BPIFC: variants seen among roughly 807,000 people sequenced by gnomAD.
BPIFC encodes the protein BPI fold containing family C.
BPIFC carries 60 observed loss-of-function variants against 57.6 expected under a neutral mutation model. That is an observed-to-expected ratio of 1.04 (90% confidence interval 0.85 to 1.29). The LOEUF (loss-of-function observed/expected upper bound fraction) is 1.29, where lower values mean the gene tolerates loss of function less well. Among genes scored for constraint, BPIFC ranks in the 50% most tolerant of loss-of-function variants. The pLI, the probability that BPIFC is intolerant of heterozygous loss-of-function variation, is 0.00. For synonymous variants in BPIFC, 243 were observed against 224.5 expected (o/e 1.08, Z -0.74); for missense variants, 581 against 600.5 (o/e 0.97, Z 0.34).
chr22:32,433,879 CA>C, intron 10 of BPIFC, 107 bp from the exon 11 acceptor site: 1 of 942,992 alleles, frequency 1.1e-6, no homozygotes, highest in Non-Finnish European at 1.7e-6. Flanking sequence ...GCTGTTACAC[CA>C]TAAAATATTC....
chr22:32,441,077 G>A (rs1208637921), intron 8 of BPIFC, among the ~76,000 whole-genome samples: 1 of 151,900 alleles, frequency 6.6e-6, no homozygotes, highest in Non-Finnish European at 1.5e-5. Flanking sequence ...TGGCCTCATT[G>A]CCTGCTCTCC....
intron 7 of BPIFC, among the ~76,000 whole-genome samples, chr22:32,445,363 C>A (rs1934689464): frequency 6.6e-6 from 1 of 152,034 alleles, no homozygotes; most frequent in South Asian, 2.1e-4. Flanking sequence ...CAGTGAAACC[C>A]CGTCTCTACT....
intron 7 of BPIFC, among the ~76,000 whole-genome samples, chr22:32,444,444 C>A (rs182783905): frequency 6.6e-6 from 1 of 152,174 alleles, no homozygotes; most frequent in South Asian, 2.1e-4. Context: ...GAGAGATGGA[C>A]GTGACCAGAC....
At chr22:32,424,803 C>T (rs553542930) in intron 13 of BPIFC, among the ~76,000 whole-genome samples, 15 of 139,426 alleles carry the variant, frequency 1.1e-4, no homozygotes, top group African/African-American at 2.5e-4. Context: ...TTTTTTGAGA[C>T]GGAGTTTTGC....
intron 9 of BPIFC, among the ~76,000 whole-genome samples, chr22:32,436,984 C>T (rs1934423357): frequency 6.6e-6 from 1 of 152,184 alleles, no homozygotes; most frequent in East Asian, 1.9e-4. Flanking sequence ...AACATAACCA[C>T]AATGATTGTT....
Position 32,449,835 on chromosome 22 carries a change from C to T in BPIFC, c.246-2495G>A, listed in dbSNP as rs369040038. On this transcript the variant is annotated intron_variant, in intron 4 of 16. Coordinates refer to ENST00000300399, the MANE Select transcript of BPIFC (RefSeq NM_174932.3). Reference sequence around the variant, plus strand: ...CTACAAGCTCCGCCTCCCGGGTTCACGCCATTCTCTTGCCTCAGCCTCTGG... The same window carrying T: ...CTACAAGCTCCGCCTCCCGGGTTCATGCCATTCTCTTGCCTCAGCCTCTGG... Among the ~76,000 whole-genome samples the T allele has an allele frequency of 1.1e-3, 167 of 151,830 alleles. 5 individuals carry two copies. The South Asian group carries it at 0.031, about 28-fold the overall frequency.
At chr22:32,417,031 G>T in intron 15 of BPIFC, 54 bp downstream of exon 15, 1 of 1,374,772 alleles carries the variant, frequency 7.3e-7, no homozygotes, top group Non-Finnish European at 1.0e-6. Flanking sequence ...AGCCGATGCA[G>T]ATGTTAAATG....
At chr22:32,441,681 C>T (rs527407910) in intron 8 of BPIFC, among the ~76,000 whole-genome samples, 18 of 152,124 alleles carry the variant, frequency 1.2e-4, no homozygotes, top group Admixed American at 3.3e-4. Flanking sequence ...AGATAGAGAA[C>T]GGAAAGGATT....
chr22:32,419,528 G>A, intron 13 of BPIFC, 124 bp from the exon 14 acceptor site: 3 of 974,040 alleles, frequency 3.1e-6, no homozygotes, highest in Non-Finnish European at 4.6e-6. Context: ...ACAAGGCTGG[G>A]CATGGTGGCC....
At chr22:32,426,068 A>G (rs371547811) in intron 13 of BPIFC, among the ~76,000 whole-genome samples, 3 of 152,306 alleles carry the variant, frequency 2.0e-5, no homozygotes, top group East Asian at 1.9e-4. Flanking sequence ...TAGACCACCA[A>G]CACGGGGTTT....
intron 7 of BPIFC, among the ~76,000 whole-genome samples, chr22:32,443,706 T>C (rs1282754757): frequency 1.3e-5 from 2 of 152,206 alleles, no homozygotes; most frequent in Admixed American, 6.5e-5. Flanking sequence ...TTGAATCCCT[T>C]GGCAAGTTAC....
At chr22:32,442,556 A>G in intron 8 of BPIFC, 115 bp downstream of exon 8, 1 of 1,041,906 alleles carries the variant, frequency 9.6e-7, no homozygotes, top group Non-Finnish European at 1.4e-6. Flanking sequence ...TAATTTGCAG[A>G]ATATGAAGCA....
intron 2 of BPIFC, among the ~76,000 whole-genome samples, chr22:32,461,337 G>C (rs1053749376): frequency 1.3e-5 from 2 of 152,232 alleles, no homozygotes; most frequent in African/African-American, 4.8e-5. Context: ...AGCTAAGAAA[G>C]GATGACTTGA....
intron 13 of BPIFC, among the ~76,000 whole-genome samples, chr22:32,429,536 T>TTTTTC (rs1934178337): frequency 1.6e-5 from 2 of 125,286 alleles, no homozygotes; most frequent in Admixed American, 8.3e-5. Flanking sequence ...TTTTTTTTTT[T>TTTTTC]CATGAAGTCC....
At chr22:32,448,100 G>A (rs964751022) in intron 4 of BPIFC, among the ~76,000 whole-genome samples, 9 of 146,644 alleles carry the variant, frequency 6.1e-5, no homozygotes, top group African/African-American at 2.0e-4. Flanking sequence ...ACAGAGTCTC[G>A]CTCTGTCACC....
At chr22:32,433,698 A>T in intron 11 of BPIFC, 21 bp downstream of exon 11, 1 of 1,611,052 alleles carries the variant, frequency 6.2e-7, no homozygotes, top group Non-Finnish European at 8.5e-7. Flanking sequence ...CACTATCAAG[A>T]CTCAAACCCT....
chr22:32,435,456 G>A (rs77716556), intron 10 of BPIFC, among the ~76,000 whole-genome samples: 7,888 of 152,196 alleles, frequency 0.052, 282 homozygotes, highest in Middle Eastern at 0.11. Context: ...TATATATAAT[G>A]CAAATATCCC....
chr22:32,447,074 G>GA (rs1934750052), intron 5 of BPIFC, 138 bp downstream of exon 5: 2 of 1,255,126 alleles, frequency 1.6e-6, no homozygotes, highest in Non-Finnish European at 2.1e-6. Flanking sequence ...GCCTCACCTG[G>GA]AAAAAAATGC....
rs553242557 is a variant in BPIFC at position 32,461,658 on chromosome 22, T to A, written c.-85A>T. 1 of 985,350 alleles carries A rather than the reference T, an allele frequency of 1.0e-6. No individual in the cohort carries two copies. The highest frequency in any genetic ancestry group is 6.1e-5 in the Admixed American group (1 of 16,270). 61.0% of individuals were successfully genotyped at this position (985,350 alleles called of 1,614,324 possible). A position where few individuals can be genotyped will look rare whatever the true frequency, so the allele number is the denominator to read the frequency against. ...AGTTGCCCTTGGAGGTTAGTCAAGGTGTCCTGGAAAGGGGGATAAGTAGAG... is the reference window on the plus strand; with the variant it reads ...AGTTGCCCTTGGAGGTTAGTCAAGGAGTCCTGGAAAGGGGGATAAGTAGAG... On this transcript the variant is annotated 5_prime_UTR_variant, in exon 2 of 17. Coordinates refer to ENST00000300399, the MANE Select transcript of BPIFC (RefSeq NM_174932.3).
Sources: allele counts gnomAD v4.1 joint callset (sites outside exome capture counted in the v4.1 genomes callset), GRCh38; gene constraint gnomAD v4.1.1; transcripts MANE v1.5; gene names NCBI Gene and HGNC (gene_info 2026-07-23, HGNC 2026-07-21).